Variants in ZZEF1 observed in about 807,000 individuals in gnomAD.
ZZEF1 encodes zinc finger ZZ-type and EF-hand domain containing 1.
ZZEF1 carries 157 observed loss-of-function variants against 342.8 expected under a neutral mutation model. The observed-to-expected ratio is 0.46, with a 90% CI of 0.40 to 0.52. ZZEF1 has a LOEUF of 0.52. Ranked by LOEUF, ZZEF1 falls within the 20% of genes least tolerant of loss-of-function variation. The pLI is 0.00. For missense variants in ZZEF1, 3,480 were observed against 3,725.6 expected, an observed-to-expected ratio of 0.93 and a Z score of 1.72; for synonymous variants, 1,505 against 1,429.1, an observed-to-expected ratio of 1.05 and a Z score of -1.20.
In ZZEF1 at chr17:4,075,252, A is replaced by C; in HGVS notation, c.3401+11T>G. On this transcript the variant is annotated intron_variant, in intron 22 of 54. Transcript: ENST00000381638. ...TTAGCGCTTGGGGGTGAAAGAATAT[A>C]GAAGTCTTACCTTTTTTCAGTTTCA... is the stretch of plus-strand genomic sequence containing the variant. 6.2e-7 allele frequency: 1 copy of C among 1,614,006 alleles called. No individual in the cohort carries two copies. The highest frequency in any genetic ancestry group is 8.5e-7 in the Non-Finnish European group (1 of 1,179,892).
Position 4,051,060 on chromosome 17 carries a change from C to G in ZZEF1, c.5601-17G>C. On this transcript the variant is annotated splice_polypyrimidine_tract_variant and intron_variant, in intron 35 of 54. Coordinates refer to ENST00000381638, the MANE Select transcript of ZZEF1 (RefSeq NM_015113.4). ...GGCAAATGGCTGCAAAGGCAAGACA[C>G]ATTTAAAGCTTACAACCCTCCAAAA... is the stretch of plus-strand genomic sequence containing the variant. The G allele has an allele frequency of 1.2e-6, 2 of 1,614,030 alleles. No homozygotes were observed. The highest frequency in any genetic ancestry group is 1.1e-5 in the South Asian group (1 of 91,086).
In ZZEF1 at chr17:4,018,057, C is replaced by T. The variant is rs541724822; in HGVS notation, c.7506-86G>A. The stretch of plus-strand genomic sequence containing the variant: ...ACTTAAACTTGTTGGCAATGTTCTT[C>T]AGAGTTGTTCTTCTGTTAGTATCAA... On this transcript the variant is annotated intron_variant, in intron 46 of 54. Coordinates refer to ENST00000381638, the MANE Select transcript of ZZEF1 (RefSeq NM_015113.4). The T allele has an allele frequency of 3.9e-5, 60 of 1,540,406 alleles. No homozygotes were observed. In the South Asian group the frequency reaches 6.5e-4, roughly 17 times the overall value.
intron 1 of ZZEF1, among the ~76,000 whole-genome samples, chr17:4,127,876 G>A (rs1174912723): frequency 6.6e-6 from 1 of 152,240 alleles, no homozygotes; most frequent in Admixed American, 6.5e-5. Context: ...ACCTATAGCC[G>A]CCAACACTGG....
chr17:4,108,503 G>A (rs147784434), intron 6 of ZZEF1, among the ~76,000 whole-genome samples: 1 of 152,188 alleles, frequency 6.6e-6, no homozygotes, highest in South Asian at 2.1e-4. Flanking sequence ...AGAGTGTTTC[G>A]CTGGATCCTT....
chr17:4,039,040 T>TA (rs140895961), intron 39 of ZZEF1, among the ~76,000 whole-genome samples: 17,684 of 147,996 alleles, frequency 0.12, 1,080 homozygotes, highest in Non-Finnish European at 0.14. Flanking sequence ...AAGTGCCTGC[T>TA]AAAAAAAAAA....
chr17:4,013,939 G>A, intron 51 of ZZEF1, 151 bp downstream of exon 51: 1 of 725,910 alleles, frequency 1.4e-6, no homozygotes, highest in African/African-American at 1.8e-5. Flanking sequence ...ATTCAGGAGT[G>A]ACAGGTGTGG....
At position 4,006,824 on chromosome 17, in the gene ZZEF1, A is replaced by C; in HGVS notation, c.*66T>G. The stretch of plus-strand genomic sequence containing the variant: ...GGCGCTACAGGAGTTTTCCTGAATG[A>C]GGTTAGATGTCTGCTCTAAAATCCC... On this transcript the variant is annotated 3_prime_UTR_variant, in exon 55 of 55. Coordinates refer to ENST00000381638, the MANE Select transcript of ZZEF1 (RefSeq NM_015113.4). 2.0e-6 allele frequency: 3 copies of C among 1,507,772 alleles called. No individual in the cohort carries two copies. The South Asian group carries it at 3.6e-5, about 18-fold the overall frequency. The allele number at this position is 1,507,772 out of a possible 1,614,324, so 93.4% of individuals were successfully genotyped here. A position where few individuals can be genotyped will look rare whatever the true frequency, so the allele number is the denominator to read the frequency against.
chr17:4,081,303 G>A (rs2057718950), intron 18 of ZZEF1, 73 bp downstream of exon 18: 5 of 1,223,406 alleles, frequency 4.1e-6, no homozygotes, highest in Non-Finnish European at 4.8e-6. Context: ...GCAAAGGGGG[G>A]CACAAGAGAC....
At position 4,016,264 on chromosome 17, in the gene ZZEF1, G is replaced by C; in HGVS notation, c.8145+59C>G. The stretch of plus-strand genomic sequence containing the variant: ...AGCATGGAGGGGCTGAGCACGGAGG[G>C]GCTGACGAGGTCTCTGCGGCTCAGT... On this transcript the variant is annotated intron_variant, in intron 49 of 54. Coordinates refer to ENST00000381638, the MANE Select transcript of ZZEF1 (RefSeq NM_015113.4). The surrounding 1 kb of genome is among the most constrained non-coding windows in gnomAD (Gnocchi z 4.4). 2.6e-6 allele frequency: 4 copies of C among 1,561,410 alleles called. No individual in the cohort carries two copies. The highest frequency in any genetic ancestry group is 3.5e-6 in the Non-Finnish European group (4 of 1,158,224).
At chr17:4,043,626 A>G (rs2056848485) in intron 38 of ZZEF1, among the ~76,000 whole-genome samples, 1 of 152,178 alleles carries the variant, frequency 6.6e-6, no homozygotes, top group Non-Finnish European at 1.5e-5. Context: ...GGCCTTCAGC[A>G]GCATCTCTCC....
intron 42 of ZZEF1, among the ~76,000 whole-genome samples, chr17:4,025,619 C>T (rs956822407): frequency 1.3e-5 from 2 of 150,996 alleles, no homozygotes; most frequent in African/African-American, 2.4e-5. Flanking sequence ...GAGGTGGAGG[C>T]TGCGGTGAGC....
chr17:4,095,749 A>G, intron 11 of ZZEF1, 82 bp downstream of exon 11: 27 of 1,443,374 alleles, frequency 1.9e-5, no homozygotes, highest in Non-Finnish European at 2.5e-5. Flanking sequence ...CAGTTCACCA[A>G]TGAGCATGAA....
chr17:4,019,557 G>A (rs760399479), intron 46 of ZZEF1, 112 bp downstream of exon 46: 14 of 942,118 alleles, frequency 1.5e-5, no homozygotes, highest in South Asian at 3.0e-5. Flanking sequence ...ACTGCTTCCC[G>A]GCCTGTCGGA....
At chr17:4,106,758 G>A (rs1026880672) in intron 6 of ZZEF1, among the ~76,000 whole-genome samples, 1 of 152,166 alleles carries the variant, frequency 6.6e-6, no homozygotes, top group African/African-American at 2.4e-5. Flanking sequence ...GCCCTACTGT[G>A]TGCCAGCAAC....
At chr17:4,100,914 T>C (rs1170158606) in intron 9 of ZZEF1, among the ~76,000 whole-genome samples, 1 of 151,906 alleles carries the variant, frequency 6.6e-6, no homozygotes, top group Middle Eastern at 3.4e-3. Flanking sequence ...CTTCAGCAAG[T>C]GAAGGAAAAA....
intron 6 of ZZEF1, among the ~76,000 whole-genome samples, chr17:4,108,383 C>T (rs915106943): frequency 6.6e-6 from 1 of 152,118 alleles, no homozygotes; most frequent in Non-Finnish European, 1.5e-5. Flanking sequence ...AAATAACTGA[C>T]CTGTAATTTT....
intron 18 of ZZEF1, among the ~76,000 whole-genome samples, chr17:4,079,149 T>C (rs1472203418): frequency 6.6e-6 from 1 of 152,206 alleles, no homozygotes; most frequent in Admixed American, 6.5e-5. Flanking sequence ...ATCTGGCCTA[T>C]CTTATCTAGC....
At chr17:4,064,885 GGGGGA>G in intron 28 of ZZEF1, 56 bp from the exon 29 acceptor site, 1 of 1,326,880 alleles carries the variant, frequency 7.5e-7, no homozygotes, top group Non-Finnish European at 1.0e-6. Context: ...TTATGGGGGA[GGGGGA>G]GGGGAGAGGG....
Position 4,049,694 on chromosome 17 carries a change from G to A in ZZEF1, c.6015+14C>T. 1 of 1,613,880 alleles carries A rather than the reference G, an allele frequency of 6.2e-7. No individual in the cohort carries two copies. Among genetic ancestry groups the A allele is most frequent in the Non-Finnish European group, 8.5e-7 (1 of 1,179,886 alleles). On this transcript the variant is annotated intron_variant, in intron 37 of 54. Transcript: ENST00000381638. The stretch of plus-strand genomic sequence containing the variant: ...TCAACCTGTGATTCTGTGTAGTAAA[G>A]AATCGTCATTTACATTGCCTGCTTC...
Sources: allele counts gnomAD v4.1 joint callset (sites outside exome capture counted in the v4.1 genomes callset), GRCh38; gene constraint gnomAD v4.1.1; non-coding constraint Gnocchi (gnomAD v3.1); transcripts MANE v1.5; gene names NCBI Gene and HGNC (gene_info 2026-07-23, HGNC 2026-07-21).